Variants in SLC36A1 observed in about 807,000 individuals in gnomAD.
The protein encoded by SLC36A1 is solute carrier family 36 member 1.
A neutral mutation model predicts 47.5 loss-of-function variants in SLC36A1; 30 were observed. The observed-to-expected ratio is 0.63, with a 90% CI of 0.47 to 0.86. The LOEUF (loss-of-function observed/expected upper bound fraction) is 0.86. Among genes scored for constraint, SLC36A1 ranks in the 40% least tolerant of loss-of-function variants. The pLI is 0.00. For missense variants in SLC36A1, 517 were observed against 606.0 expected, an observed-to-expected ratio of 0.85 and a Z score of 1.54; for synonymous variants, 255 against 249.7, an observed-to-expected ratio of 1.02 and a Z score of -0.20.
At chr5:151,479,259 C>A in intron 9 of SLC36A1, 61 bp from the exon 10 acceptor site, 1 of 1,563,392 alleles carries the variant, frequency 6.4e-7, no homozygotes, top group South Asian at 1.2e-5. Context: ...ATTTTGCACT[C>A]TTGCTGATGA....
intron 1 of SLC36A1, among the ~76,000 whole-genome samples, chr5:151,441,303 C>G (rs1752613362): frequency 6.6e-6 from 1 of 152,082 alleles, no homozygotes; most frequent in African/African-American, 2.4e-5. Flanking sequence ...AAAAATGAAA[C>G]AAAAGGCAAA....
chr5:151,453,854 T>G (rs1754035597), intron 1 of SLC36A1, among the ~76,000 whole-genome samples: 1 of 151,784 alleles, frequency 6.6e-6, no homozygotes. Context: ...AAATTTTTAT[T>G]TTTAAAAATA....
chr5:151,482,577 A>G (rs1758942667), intron 10 of SLC36A1, among the ~76,000 whole-genome samples: 1 of 152,310 alleles, frequency 6.6e-6, no homozygotes, highest in Admixed American at 6.5e-5. Flanking sequence ...AAATAGTTGC[A>G]ATTGTAGTTT....
At chr5:151,546,090 G>A in the SLC36A1 span, 2 of 1,614,154 alleles carry the variant, frequency 1.2e-6, no homozygotes, top group Non-Finnish European at 1.7e-6. Context: ...AGACAAGGAG[G>A]ATTGGGGAAC....
chr5:151,429,217 A>G, the SLC36A1 span, among the ~76,000 whole-genome samples: 3 of 151,064 alleles, frequency 2.0e-5, no homozygotes, highest in African/African-American at 7.3e-5. Flanking sequence ...AATTTTTTTT[A>G]TTATTATACT....
the SLC36A1 span, among the ~76,000 whole-genome samples, chr5:151,423,571 C>T: frequency 6.6e-6 from 1 of 152,188 alleles, no homozygotes; most frequent in Admixed American, 6.5e-5. Flanking sequence ...AACTATATGA[C>T]ACTCCGGAAA....
chr5:151,523,430 G>T, the SLC36A1 span, among the ~76,000 whole-genome samples: 1 of 152,146 alleles, frequency 6.6e-6, no homozygotes, highest in African/African-American at 2.4e-5. Context: ...TATAACTGAG[G>T]CTCAAAGAGG....
Position 151,488,250 on chromosome 5 carries a change from T to C in SLC36A1, c.1427T>C (p.Ile476Thr). The change falls in exon 11 of 11, where the codon ATA (isoleucine) becomes ACA (threonine). Residue 476 changes from isoleucine (I) to threonine (T), a missense_variant. Ile to Thr is a moderately conservative substitution (Grantham distance 89). Transcript: ENST00000243389. Reference protein sequence around the residue: ...PIFINSTCAFI With the variant: ...PIFINSTCAFT ...TTCATCAATTCCACCTGTGCCTTCATATAGGGATCTGGGTTCGTCTCTGCA... is the reference window on the plus strand; with the variant it reads ...TTCATCAATTCCACCTGTGCCTTCACATAGGGATCTGGGTTCGTCTCTGCA... The C allele has an allele frequency of 6.2e-7, 1 of 1,613,916 alleles. No homozygotes were observed. Among genetic ancestry groups the C allele is most frequent in the Non-Finnish European group, 8.5e-7 (1 of 1,179,890 alleles).
intron 6 of SLC36A1, 57 bp from the exon 7 acceptor site, chr5:151,467,650 C>T (rs1242738952): frequency 7.1e-7 from 1 of 1,415,806 alleles, no homozygotes; most frequent in Non-Finnish European, 1.0e-6. Flanking sequence ...AGCAGAGGAT[C>T]CACCGGCCTC....
chr5:151,470,119 G>A (rs1757110608), intron 7 of SLC36A1, among the ~76,000 whole-genome samples: 2 of 152,110 alleles, frequency 1.3e-5, no homozygotes, highest in South Asian at 4.1e-4. Flanking sequence ...AGACTGGAAG[G>A]AGGGCCTGTG....
chr5:151,482,382 G>A (rs1429235070), intron 10 of SLC36A1, among the ~76,000 whole-genome samples: 1 of 152,000 alleles, frequency 6.6e-6, no homozygotes, highest in Non-Finnish European at 1.5e-5. Flanking sequence ...CCAAAATTCT[G>A]TGATTCTGTA....
rs1201882691 is a variant in SLC36A1 at position 151,488,318 on chromosome 5, A to G, written c.*64A>G. 2.4e-5 allele frequency: 37 copies of G among 1,569,682 alleles called. No homozygotes were observed. The highest frequency in any genetic ancestry group is 3.0e-5 in the Non-Finnish European group (35 of 1,153,588). ...CATGTGTCCCCCGTTACCTGTCCTC[A>G]GAGCCTCAGGTATGGTCCAGGCTCT... is the stretch of plus-strand genomic sequence containing the variant. On this transcript the variant is annotated 3_prime_UTR_variant, in exon 11 of 11. Transcript: ENST00000243389.
chr5:151,496,844 T>G (rs165332), downstream of SLC36A1, among the ~76,000 whole-genome samples: 32,541 of 152,192 alleles, frequency 0.21, 3,724 homozygotes, highest in African/African-American at 0.29. Context: ...ATCCTGTGTT[T>G]TGTTAGATTT....
chr5:151,382,235 C>A, the SLC36A1 span: 1 of 1,311,796 alleles, frequency 7.6e-7, no homozygotes, highest in Non-Finnish European at 1.1e-6. Flanking sequence ...GCGGGTCACT[C>A]ATCGAGACTC....
At chr5:151,382,313 C>T in the SLC36A1 span, 1 of 1,063,342 alleles carries the variant, frequency 9.4e-7, no homozygotes, top group Non-Finnish European at 1.4e-6. Context: ...ACAGTCGCCT[C>T]AGCAGCCTCA....
At chr5:151,465,380 A>G (rs2127489431) in intron 5 of SLC36A1, among the ~76,000 whole-genome samples, 1 of 152,326 alleles carries the variant, frequency 6.6e-6, no homozygotes, top group Middle Eastern at 3.4e-3. Context: ...CTTATCAGGA[A>G]AGCATGGGGC....
chr5:151,355,676 A>T, the SLC36A1 span, among the ~76,000 whole-genome samples: 14 of 152,194 alleles, frequency 9.2e-5, no homozygotes, highest in Non-Finnish European at 1.3e-4. Context: ...GTATATACTG[A>T]CGTGGAGGGA....
the SLC36A1 span, among the ~76,000 whole-genome samples, chr5:151,405,275 C>G: frequency 6.7e-6 from 1 of 149,464 alleles, no homozygotes; most frequent in Non-Finnish European, 1.5e-5. Flanking sequence ...TCTTTCAACT[C>G]TTGAATTGCT....
the SLC36A1 span, among the ~76,000 whole-genome samples, chr5:151,546,838 C>T: frequency 6.6e-6 from 1 of 152,088 alleles, no homozygotes; most frequent in Non-Finnish European, 1.5e-5. Flanking sequence ...CCAGCCTCAG[C>T]CTCTGGTGGG....
Sources: gnomAD v4.1 joint callset for allele counts (sites outside exome capture counted in the v4.1 genomes callset) on GRCh38, gnomAD v4.1.1 for gene constraint, MANE v1.5 for transcripts, NCBI Gene and HGNC (gene_info 2026-07-23, HGNC 2026-07-21) for gene names.